Variants in SV2C observed in about 807,000 individuals in gnomAD.
SV2C encodes synaptic vesicle glycoprotein 2C, also known as solute carrier family 22 member B3.
In SV2C, 49 loss-of-function variants were observed where a neutral mutation model predicts 79.7. The observed-to-expected ratio is 0.61, with a 90% CI of 0.49 to 0.78. SV2C has a LOEUF of 0.78. Among genes scored for constraint, SV2C ranks in the 30% least tolerant of loss-of-function variants. The pLI is 0.00. For missense variants in SV2C, 833 were observed against 912.9 expected, an observed-to-expected ratio of 0.91 and a Z score of 1.13; for synonymous variants, 334 against 333.2, an observed-to-expected ratio of 1.00 and a Z score of -0.03.
chr5:76,269,538 T>C (rs7735982), intron 4 of SV2C, among the ~76,000 whole-genome samples: 95,527 of 151,942 alleles, frequency 0.63, 30,481 homozygotes, highest in Middle Eastern at 0.75. Flanking sequence ...TCAAGGTATC[T>C]GCTGCGTACC....
chr5:75,933,541 A>G, the SV2C span, among the ~76,000 whole-genome samples: 5 of 152,326 alleles, frequency 3.3e-5, no homozygotes, highest in East Asian at 7.7e-4. Context: ...TGAAGTCGCT[A>G]TTCAAGGAGC....
At chr5:76,227,011 T>A (rs1745268024) in intron 4 of SV2C, among the ~76,000 whole-genome samples, 5 of 152,020 alleles carry the variant, frequency 3.3e-5, no homozygotes, top group African/African-American at 1.2e-4. Flanking sequence ...TTGGAAGTGA[T>A]GACAGAAAGG....
At chr5:76,146,941 A>C (rs1749454937) in intron 2 of SV2C, among the ~76,000 whole-genome samples, 1 of 152,152 alleles carries the variant, frequency 6.6e-6, no homozygotes, top group African/African-American at 2.4e-5. Context: ...ATTATGCCAC[A>C]CACAAAGGGA....
intron 12 of SV2C, 105 bp from the exon 13 acceptor site, chr5:76,325,259 A>C: frequency 8.1e-7 from 1 of 1,230,472 alleles, no homozygotes; most frequent in Non-Finnish European, 1.2e-6. Flanking sequence ...CTGATATACA[A>C]CACAATCTGA....
At chr5:76,344,769 A>T (rs1426249827) in intron 12 of SV2C, among the ~76,000 whole-genome samples, 2 of 152,022 alleles carry the variant, frequency 1.3e-5, no homozygotes, top group Non-Finnish European at 2.9e-5. Context: ...TATTTTAAAT[A>T]ATTTAAATTA....
intron 2 of SV2C, among the ~76,000 whole-genome samples, chr5:76,133,508 T>C (rs1748972752): frequency 6.6e-6 from 1 of 152,242 alleles, no homozygotes; most frequent in Admixed American, 6.5e-5. Context: ...GAAAATGATA[T>C]ACATCTTTTT....
At chr5:76,032,576 C>A in the SV2C span, among the ~76,000 whole-genome samples, 35 of 152,142 alleles carry the variant, frequency 2.3e-4, no homozygotes, top group African/African-American at 7.7e-4. Context: ...AGGACATGAA[C>A]TCATCATTTT....
the SV2C span, among the ~76,000 whole-genome samples, chr5:75,881,903 T>C: frequency 1.4e-5 from 2 of 147,092 alleles, no homozygotes; most frequent in Non-Finnish European, 3.0e-5. Flanking sequence ...CTTCCAGTTT[T>C]TGCCCATTCA....
At chr5:76,084,183 TC>T (rs907871583) in intron 1 of SV2C, 2 of 152,346 alleles carry the variant, frequency 1.3e-5, no homozygotes, top group Non-Finnish European at 2.9e-5. Context: ...CGCCTGCACT[TC>T]CTACGTTACA....
the SV2C span, among the ~76,000 whole-genome samples, chr5:76,042,782 A>T: frequency 5.3e-5 from 8 of 152,236 alleles, no homozygotes; most frequent in South Asian, 1.7e-3. Context: ...CTACCTCAGT[A>T]CTCACATCTT....
the SV2C span, among the ~76,000 whole-genome samples, chr5:76,058,272 G>T: frequency 6.6e-6 from 1 of 152,082 alleles, no homozygotes; most frequent in African/African-American, 2.4e-5. Context: ...TGGGTCTGAT[G>T]TGAGAATTAT....
At chr5:75,874,622 G>C in the SV2C span, among the ~76,000 whole-genome samples, 2 of 152,132 alleles carry the variant, frequency 1.3e-5, no homozygotes, top group Non-Finnish European at 1.5e-5. Flanking sequence ...AACAATCTCT[G>C]TTTGCAGAGG....
chr5:76,178,126 G>T (rs1167408629), intron 2 of SV2C, among the ~76,000 whole-genome samples: 2 of 152,088 alleles, frequency 1.3e-5, no homozygotes, highest in Admixed American at 6.5e-5. Flanking sequence ...GTACAGATGG[G>T]GCCTCAGGGC....
chr5:75,878,671 T>C, the SV2C span, among the ~76,000 whole-genome samples: 18,946 of 152,086 alleles, frequency 0.12, 1,393 homozygotes, highest in African/African-American at 0.22. Context: ...GGTCCTGATA[T>C]AAGATAATCA....
intron 2 of SV2C, among the ~76,000 whole-genome samples, chr5:76,140,089 C>G (rs1406882638): frequency 6.6e-6 from 1 of 152,090 alleles, no homozygotes; most frequent in Non-Finnish European, 1.5e-5. Context: ...TTCCTTTCAA[C>G]TGTACCAAGT....
chr5:76,179,032 C>A (rs1260553584), intron 2 of SV2C, among the ~76,000 whole-genome samples: 1 of 152,142 alleles, frequency 6.6e-6, no homozygotes, highest in Non-Finnish European at 1.5e-5. Context: ...TAGTTCCTGC[C>A]AGGAGTCAAA....
At chr5:76,188,573 T>G (rs1248868116) in intron 2 of SV2C, among the ~76,000 whole-genome samples, 1 of 152,188 alleles carries the variant, frequency 6.6e-6, no homozygotes, top group African/African-American at 2.4e-5. Context: ...TGCATTTGAT[T>G]TAAAAAATAA....
chr5:76,091,106 T>C (rs10515217), intron 1 of SV2C, among the ~76,000 whole-genome samples: 3 of 152,164 alleles, frequency 2.0e-5, no homozygotes, highest in Non-Finnish European at 4.4e-5. Flanking sequence ...CCTCACACCA[T>C]TCTTTTCAAC....
the SV2C span, among the ~76,000 whole-genome samples, chr5:75,993,122 T>A: frequency 6.6e-6 from 1 of 152,036 alleles, no homozygotes; most frequent in Non-Finnish European, 1.5e-5. Flanking sequence ...ATAGAGTATT[T>A]TAGAGAAATA....
Sources: allele counts gnomAD v4.1 joint callset (sites outside exome capture counted in the v4.1 genomes callset), GRCh38; gene constraint gnomAD v4.1.1; transcripts MANE v1.5; gene names NCBI Gene and HGNC (gene_info 2026-07-23, HGNC 2026-07-21).